The following EFCAB11 variants were observed in gnomAD, a reference collection of about 807,000 sequenced individuals.
EFCAB11 encodes EF-hand calcium-binding domain-containing protein 11.
In EFCAB11, 14 loss-of-function variants were observed where a neutral mutation model predicts 23.0. The observed-to-expected ratio is 0.61, with a 90% CI of 0.40 to 0.95. The LOEUF is 0.95. Ranked by LOEUF, EFCAB11 falls within the 40% of genes least tolerant of loss-of-function variation. The pLI is 0.00. For synonymous variants in EFCAB11, 65 were observed against 66.6 expected (o/e 0.98, Z 0.11); for missense variants, 198 against 195.8 (o/e 1.01, Z -0.07).
At chr14:89,914,045 C>G (rs1265839938) in intron 5 of EFCAB11, among the ~76,000 whole-genome samples, 1 of 152,160 alleles carries the variant, frequency 6.6e-6, no homozygotes, top group Non-Finnish European at 1.5e-5. Context: ...TGTTGCTACA[C>G]CTGTCAGCAA....
rs137860795 is a variant in EFCAB11 at position 89,796,177 on chromosome 14, G to A, written c.*1066C>T. On this transcript the variant is annotated 3_prime_UTR_variant, in exon 6 of 6. Coordinates refer to ENST00000316738, the MANE Select transcript of EFCAB11 (RefSeq NM_145231.4). ...CCTGTTCTTCCTCTGTATATAGCCC[G>A]AGAGGGCTTGCTCATGTTAGCCCAA... 22 of 152,466 alleles carry A rather than the reference G, an allele frequency of 1.4e-4. No homozygotes were observed. Among genetic ancestry groups the A allele is most frequent in the African/African-American group, 4.6e-4 (19 of 41,590 alleles). 9.4% of individuals were successfully genotyped at this position (152,466 alleles called of 1,614,324 possible).
At chr14:89,802,460 T>C (rs181016768) in intron 5 of EFCAB11, among the ~76,000 whole-genome samples, 156 of 152,288 alleles carry the variant, frequency 1.0e-3, no homozygotes, top group Non-Finnish European at 1.8e-3. Context: ...GGTATGATCT[T>C]GGCTCACTGC....
At chr14:89,840,440 A>C (rs1014079477) in intron 5 of EFCAB11, among the ~76,000 whole-genome samples, 11 of 152,250 alleles carry the variant, frequency 7.2e-5, no homozygotes, top group Admixed American at 7.2e-4. Flanking sequence ...CATTTGCCTT[A>C]TCATTTCCTC....
chr14:89,831,501 T>C (rs1419679805), intron 5 of EFCAB11, among the ~76,000 whole-genome samples: 1 of 152,234 alleles, frequency 6.6e-6, no homozygotes, highest in East Asian at 1.9e-4. Flanking sequence ...ATGTTGTCTA[T>C]ATAAAAAAGC....
chr14:89,803,512 G>A (rs969721855), intron 5 of EFCAB11, among the ~76,000 whole-genome samples: 2 of 152,208 alleles, frequency 1.3e-5, no homozygotes, highest in Admixed American at 1.3e-4. Flanking sequence ...CCTGAAATGT[G>A]AATGAGAAAT....
chr14:89,806,686 G>A (rs1450531232), intron 5 of EFCAB11, among the ~76,000 whole-genome samples: 7 of 152,082 alleles, frequency 4.6e-5, no homozygotes, highest in South Asian at 4.2e-4. Flanking sequence ...CCCCAGGAGC[G>A]AGCTCTCTGC....
chr14:89,939,545 C>T (rs1347783723), intron 3 of EFCAB11, among the ~76,000 whole-genome samples: 5 of 152,170 alleles, frequency 3.3e-5, no homozygotes, highest in East Asian at 3.9e-4. Flanking sequence ...ATTCATTTAC[C>T]GCCTCTTTTC....
chr14:89,916,546 C>A (rs142049658), intron 5 of EFCAB11, among the ~76,000 whole-genome samples: 1,647 of 152,298 alleles, frequency 0.011, 19 homozygotes, highest in Middle Eastern at 0.031. Flanking sequence ...TTGAAATAGG[C>A]CCAGAAAAAA....
chr14:89,921,722 G>A (rs191935211), intron 5 of EFCAB11, among the ~76,000 whole-genome samples: 17 of 152,270 alleles, frequency 1.1e-4, no homozygotes, highest in Non-Finnish European at 2.2e-4. Context: ...TGCTGTCATC[G>A]ATAAAAATGT....
intron 5 of EFCAB11, among the ~76,000 whole-genome samples, chr14:89,842,896 CT>C (rs1394154930): frequency 1.3e-5 from 2 of 152,148 alleles, no homozygotes; most frequent in Non-Finnish European, 2.9e-5. Flanking sequence ...CTGTTATTGC[CT>C]GGATAACTCT....
intron 5 of EFCAB11, among the ~76,000 whole-genome samples, chr14:89,864,383 T>C (rs116145826): frequency 0.011 from 1,689 of 152,106 alleles, 32 homozygotes; most frequent in African/African-American, 0.038. Flanking sequence ...CTGATGCCCA[T>C]GTTTCTTTCT....
chr14:89,954,236 G>A, intron 1 of EFCAB11: 2 of 1,175,624 alleles, frequency 1.7e-6, no homozygotes, highest in Non-Finnish European at 2.4e-6. Flanking sequence ...GCTAGGTGAC[G>A]CAAATTAATT....
At chr14:89,834,182 C>G (rs1285805984) in intron 5 of EFCAB11, among the ~76,000 whole-genome samples, 1 of 146,274 alleles carries the variant, frequency 6.8e-6, no homozygotes, top group East Asian at 1.9e-4. Context: ...AGAAACCATC[C>G]TGGCCGACGT....
chr14:89,880,438 A>T (rs1236267894), intron 5 of EFCAB11, among the ~76,000 whole-genome samples: 1 of 152,194 alleles, frequency 6.6e-6, no homozygotes, highest in Non-Finnish European at 1.5e-5. Context: ...AGGGACTAAG[A>T]CGAACTGCAT....
At chr14:89,894,002 C>T (rs1434710307) in intron 5 of EFCAB11, among the ~76,000 whole-genome samples, 1 of 151,358 alleles carries the variant, frequency 6.6e-6, no homozygotes, top group Admixed American at 6.6e-5. Context: ...TTTTTTGAGA[C>T]GGAGTCTCTC....
chr14:89,843,340 T>C (rs1348535634), intron 5 of EFCAB11, among the ~76,000 whole-genome samples: 1 of 138,514 alleles, frequency 7.2e-6, no homozygotes, highest in Non-Finnish European at 1.6e-5. Context: ...AACATATTTT[T>C]AAGAAAATTC....
chr14:89,856,782 T>C (rs1887769011), intron 5 of EFCAB11, among the ~76,000 whole-genome samples: 1 of 152,224 alleles, frequency 6.6e-6, no homozygotes, highest in African/African-American at 2.4e-5. Context: ...AATTGGGCTA[T>C]CTGTTTTTCT....
rs933121436 is a variant in EFCAB11, at chr14:89,954,060, G to T, written c.76-59C>A. 32 of 1,456,610 alleles carry T rather than the reference G, an allele frequency of 2.2e-5. 1 individual carries two copies. In the South Asian group the frequency reaches 3.1e-4, roughly 14 times the overall value. The allele number at this position is 1,456,610 out of a possible 1,614,324, so 90.2% of individuals were successfully genotyped here. On this transcript the variant is annotated intron_variant, in intron 1 of 5. Coordinates refer to ENST00000316738, the MANE Select transcript of EFCAB11 (RefSeq NM_145231.4). ...CAGAAATGGTTTATTTTTATTACTA[G>T]TTTATTATACAGTTTGGACCTCGAA...
chr14:89,934,367 T>C (rs1165782478), intron 3 of EFCAB11, among the ~76,000 whole-genome samples: 2 of 152,062 alleles, frequency 1.3e-5, no homozygotes, highest in Non-Finnish European at 2.9e-5. Flanking sequence ...AAGAACTAGA[T>C]GTGGCAGGTG....
Sources: allele counts gnomAD v4.1 joint callset (sites outside exome capture counted in the v4.1 genomes callset), GRCh38; gene constraint gnomAD v4.1.1; transcripts MANE v1.5; gene names NCBI Gene and HGNC (gene_info 2026-07-23, HGNC 2026-07-21).